The following RPS6KB2 variants were observed in gnomAD, a reference collection of about 807,000 sequenced individuals.
RPS6KB2 encodes ribosomal protein S6 kinase beta-2.
A neutral mutation model predicts 58.2 loss-of-function variants in RPS6KB2; 51 were observed. That is an observed-to-expected ratio of 0.88 (90% CI 0.70 to 1.11). RPS6KB2 has a LOEUF of 1.11. Ranked by LOEUF, RPS6KB2 falls within the 50% of genes least tolerant of loss-of-function variation. The probability of loss-of-function intolerance (pLI) is 0.00; values close to 1 mark genes in which losing one functional copy is unlikely to be tolerated. For missense variants in RPS6KB2, 671 were observed against 655.8 expected, an observed-to-expected ratio of 1.02 and a Z score of -0.25; for synonymous variants, 293 against 258.6, an observed-to-expected ratio of 1.13 and a Z score of -1.28.
In RPS6KB2 at chr11:67,429,562, G is replaced by T. The variant is rs1263141252; in HGVS notation, c.276G>T (p.Leu92Phe). The change falls in exon 4 of 15, where the codon TTG (leucine) becomes TTT (phenylalanine). Residue 92 changes from leucine (L) to phenylalanine (F), a missense_variant. By Grantham distance (22) the Leu-to-Phe change is conservative. Transcript: ENST00000312629. ...FQVRKVQGTN[L>F]GKIYAMKVLR... Reference sequence around the variant, plus strand: ...TGCGAAAGGTGCAAGGCACCAACTTGGGCAAAATATATGCCATGAAAGTCC... The same window carrying T: ...TGCGAAAGGTGCAAGGCACCAACTTTGGCAAAATATATGCCATGAAAGTCC... The T allele has an allele frequency of 1.2e-6, 2 of 1,613,144 alleles. No individual in the cohort carries two copies. The highest frequency in any genetic ancestry group is 2.7e-5 in the African/African-American group (2 of 75,048).
intron 2 of RPS6KB2, 49 bp downstream of exon 2, chr11:67,429,071 A>G: frequency 1.3e-6 from 2 of 1,582,072 alleles, no homozygotes; most frequent in South Asian, 2.2e-5. Context: ...GGGGAAGGGG[A>G]ACTGGGGAGC....
rs1864215789 is a variant in RPS6KB2 at position 67,434,988 on chromosome 11, G to T, written c.1269-1G>T. ...TTATTCTGCCTTGGTTTCCCCTGCA[G>T]CCCCCTCAAGTTCTCCCCTTTTGAG... On this transcript the variant is annotated splice_acceptor_variant, in intron 14 of 14. Transcript: ENST00000312629. LOFTEE classifies it high-confidence loss of function. 12 of 1,613,316 alleles carry T rather than the reference G, an allele frequency of 7.4e-6. No individual in the cohort carries two copies. The highest frequency in any genetic ancestry group is 1.0e-5 in the Non-Finnish European group (12 of 1,179,590).
Position 67,431,477 on chromosome 11 carries a change from C to T in RPS6KB2, c.419C>T (p.Thr140Ile). 6.2e-7 allele frequency: 1 copy of T among 1,614,098 alleles called. No individual in the cohort carries two copies. The highest frequency in any genetic ancestry group is 1.7e-5 in the Admixed American group (1 of 60,020). ...GTGGAACTGGCCTATGCCTTCCAGACTGGTGGCAAACTCTACCTCATCCTT... is the reference window on the plus strand; with the variant it reads ...GTGGAACTGGCCTATGCCTTCCAGATTGGTGGCAAACTCTACCTCATCCTT... ...FIVELAYAFQTGGKLYLILEC... is the reference protein window; with the variant it reads ...FIVELAYAFQIGGKLYLILEC... Residue 140 changes from threonine (T) to isoleucine (I), a missense_variant, in exon 5 of 15, where the codon ACT (threonine) becomes ATT (isoleucine). Thr to Ile is a moderately conservative substitution (Grantham distance 89). Coordinates refer to ENST00000312629, the MANE Select transcript of RPS6KB2 (RefSeq NM_003952.3).
At chr11:67,434,873 T>G in intron 14 of RPS6KB2, 116 bp from the exon 15 acceptor site, 1 of 1,121,708 alleles carries the variant, frequency 8.9e-7, no homozygotes, top group Non-Finnish European at 1.3e-6. Context: ...TGGGAGTTTG[T>G]GGAGCCCGCG....
At chr11:67,434,107 G>A (rs762249060) in intron 11 of RPS6KB2, 50 bp downstream of exon 11, 72 of 1,612,552 alleles carry the variant, frequency 4.5e-5, no homozygotes, top group East Asian at 1.8e-4. Context: ...CAAGGGTGCC[G>A]GGAATGGGGG....
Position 67,435,159 on chromosome 11 carries a change from C to A in RPS6KB2, c.1439C>A (p.Pro480Gln). 1 of 1,581,046 alleles carries A rather than the reference C, an allele frequency of 6.3e-7. No individual in the cohort carries two copies. The highest frequency in any genetic ancestry group is 8.6e-7 in the Non-Finnish European group (1 of 1,168,366). The change falls in exon 15 of 15, where the codon CCA (proline) becomes CAA (glutamine). Residue 480 changes from proline (P) to glutamine (Q), a missense_variant. Pro to Gln is a moderately conservative substitution (Grantham distance 76, BLOSUM62 -1). Transcript: ENST00000312629. ...TKKSKRGRGR[P>Q]GR ...AAGTCCAAGAGGGGCCGTGGGCGTC[C>A]AGGGCGCTAGGAAGCCGGGTGGGGG...
rs1228276673 is a variant in RPS6KB2 at position 67,435,112 on chromosome 11, C to A, written c.1392C>A (p.Ile464=). ...CCTCGACCACCGCCCCTCTCCCCATCCGTCCCCCCTCAGGGACCAAGAAGT... is the reference window on the plus strand; with the variant it reads ...CCTCGACCACCGCCCCTCTCCCCATACGTCCCCCCTCAGGGACCAAGAAGT... ...PPPSTTAPLP[I]RPPSGTKKSK... is the part of the protein sequence containing the mutation. Residue 464 remains isoleucine, a synonymous_variant, in exon 15 of 15, where the codon ATC becomes ATA. Coordinates refer to ENST00000312629, the MANE Select transcript of RPS6KB2 (RefSeq NM_003952.3). 4.4e-6 allele frequency: 7 copies of A among 1,606,622 alleles called. No homozygotes were observed. In the Admixed American group the frequency reaches 1.2e-4, roughly 27 times the overall value.
intron 10 of RPS6KB2, 70 bp downstream of exon 10, chr11:67,433,517 C>A: frequency 7.8e-7 from 1 of 1,276,586 alleles, no homozygotes; most frequent in Non-Finnish European, 1.1e-6. Flanking sequence ...TCTCTCTGGG[C>A]TGTGGGGAAG....
chr11:67,434,311 G>C (rs113279948), intron 12 of RPS6KB2, 36 bp downstream of exon 12: 91 of 1,611,120 alleles, frequency 5.6e-5, no homozygotes, highest in Non-Finnish European at 7.6e-5. Context: ...GGCCGGTGGC[G>C]GGTGGCAAGT....
chr11:67,432,799 G>T lies in RPS6KB2; in HGVS notation c.578G>T (p.Arg193Leu). ...CTCCACTCCCAGGGCATCATCTACCGGGACCTCAAGCCCGAGAACATCATG... is the reference window on the plus strand; with the variant it reads ...CTCCACTCCCAGGGCATCATCTACCTGGACCTCAAGCCCGAGAACATCATG... ...GHLHSQGIIYRDLKPENIMLS... is the reference protein window; with the variant it reads ...GHLHSQGIIYLDLKPENIMLS... The change falls in exon 7 of 15, where the codon CGG becomes CTG. Residue 193 changes from arginine (R) to leucine (L), a missense_variant. Transcript: ENST00000312629. 1 of 1,614,076 alleles carries T rather than the reference G, an allele frequency of 6.2e-7. No homozygotes were observed. Among genetic ancestry groups the T allele is most frequent in the Non-Finnish European group, 8.5e-7 (1 of 1,180,004 alleles).
chr11:67,433,892 A>G, intron 10 of RPS6KB2, 103 bp from the exon 11 acceptor site: 1 of 1,311,374 alleles, frequency 7.6e-7, no homozygotes. Flanking sequence ...ACCCAAAAGC[A>G]TTCTCTCCCA....
At chr11:67,431,742 T>C in intron 5 of RPS6KB2, 1 of 516,972 alleles carries the variant, frequency 1.9e-6, no homozygotes, top group South Asian at 2.3e-5. Context: ...GTGTTGGGGG[T>C]GGATGGGCAT....
chr11:67,434,206 C>T lies in RPS6KB2; in HGVS notation c.978C>T (p.Pro326=), dbSNP rs1864160975. The change falls in exon 12 of 15, where the codon CCC becomes CCT. Residue 326 remains proline, a synonymous_variant. Coordinates refer to ENST00000312629, the MANE Select transcript of RPS6KB2 (RefSeq NM_003952.3). ...PGDAADVQRH[P]FFRHMNWDDL... is the part of the protein sequence containing the mutation. ...GCATTCTCTACCTACAGAGACATCC[C>T]TTTTTCCGGCACATGAATTGGGACG... is the stretch of plus-strand genomic sequence containing the variant. The T allele has an allele frequency of 2.5e-6, 4 of 1,614,078 alleles. No individual in the cohort carries two copies. The South Asian group carries it at 4.4e-5, about 18-fold the overall frequency.
At chr11:67,433,286 G>T (rs1349951995) in intron 9 of RPS6KB2, 54 bp from the exon 10 acceptor site, 13 of 1,604,390 alleles carry the variant, frequency 8.1e-6, no homozygotes, top group Non-Finnish European at 1.1e-5. Flanking sequence ...CTGGGGCAAG[G>T]GCAGGGCCTG....
At position 67,435,356 on chromosome 11, in the gene RPS6KB2, C is replaced by A; in HGVS notation, c.*187C>A. 4.7e-6 allele frequency: 3 copies of A among 635,198 alleles called. No individual in the cohort carries two copies. Among genetic ancestry groups the A allele is most frequent in the Non-Finnish European group, 8.0e-6 (3 of 372,766 alleles). 39.3% of individuals were successfully genotyped at this position (635,198 alleles called of 1,614,324 possible). ...TGGGCACGGAGGGCCGCCCGCCACG[C>A]CCCGCGCTCAACTGCTCCCGTGGAA... On this transcript the variant is annotated 3_prime_UTR_variant, in exon 15 of 15. Transcript: ENST00000312629.
chr11:67,435,258 G>A lies in RPS6KB2; in HGVS notation c.*89G>A. On this transcript the variant is annotated 3_prime_UTR_variant, in exon 15 of 15. Transcript: ENST00000312629. The stretch of plus-strand genomic sequence containing the variant: ...CCCTGGGCCAGTTCCAGAGACCTGG[G>A]GGTGTGTCTGGGGGTGGGGTGTGAG... The A allele has an allele frequency of 8.6e-7, 1 of 1,168,116 alleles. No individual in the cohort carries two copies. Among genetic ancestry groups the A allele is most frequent in the Non-Finnish European group, 1.2e-6 (1 of 851,826 alleles). 72.4% of individuals were successfully genotyped at this position (1,168,116 alleles called of 1,614,324 possible).
intron 4 of RPS6KB2, 37 bp from the exon 5 acceptor site, chr11:67,431,331 G>A (rs1171110317): frequency 6.2e-7 from 1 of 1,606,340 alleles, no homozygotes; most frequent in South Asian, 1.1e-5. Flanking sequence ...TGCCCAGCCT[G>A]GATGCCTCAG....
chr11:67,431,724 C>T (rs1288830383), intron 5 of RPS6KB2: 2 of 549,054 alleles, frequency 3.6e-6, no homozygotes, highest in Non-Finnish European at 6.5e-6. Flanking sequence ...CTACTGTGTC[C>T]CTCACGTGTG....
intron 10 of RPS6KB2, 84 bp from the exon 11 acceptor site, chr11:67,433,911 G>T: frequency 1.4e-6 from 2 of 1,464,384 alleles, no homozygotes; most frequent in South Asian, 1.2e-5. Context: ...CATGTCACCT[G>T]ACCCCTACTC....
Sources: gnomAD v4.1 joint callset for allele counts on GRCh38, gnomAD v4.1.1 for gene constraint, MANE v1.5 for transcripts, NCBI Gene and HGNC (gene_info 2026-07-23, HGNC 2026-07-21) for gene names.